BTBD10: variants seen among roughly 807,000 people sequenced by gnomAD.
The protein encoded by BTBD10 is BTB/POZ domain-containing protein 10.
Under a neutral mutation model 53.2 loss-of-function variants are expected in BTBD10, and 21 were observed. The ratio of observed to expected loss-of-function variants is 0.39; its 90% CI spans 0.28 to 0.57. The LOEUF (loss-of-function observed/expected upper bound fraction) is 0.57. BTBD10 is among the 20% of genes least tolerant of loss of function. The pLI, the probability that BTBD10 is intolerant of heterozygous loss-of-function variation, is 0.53. For missense variants in BTBD10, 360 were observed against 594.7 expected (o/e 0.61, Z 4.10); for synonymous variants, 149 against 192.7 (o/e 0.77, Z 1.88).
At chr11:13,452,081 T>C (rs536170335) in intron 1 of BTBD10, among the ~76,000 whole-genome samples, 114 of 151,992 alleles carry the variant, frequency 7.5e-4, no homozygotes, top group African/African-American at 2.0e-3. Context: ...GCAAGAAAGA[T>C]TGAAGAAAAT....
At chr11:13,448,077 T>C (rs994562661) in intron 1 of BTBD10, among the ~76,000 whole-genome samples, 2 of 152,220 alleles carry the variant, frequency 1.3e-5, no homozygotes, top group African/African-American at 4.8e-5. Flanking sequence ...AGTGACAGTA[T>C]ATTTGTCGGA....
At chr11:13,447,381 A>G (rs1950769721) in intron 1 of BTBD10, among the ~76,000 whole-genome samples, 1 of 152,154 alleles carries the variant, frequency 6.6e-6, no homozygotes, top group Admixed American at 6.6e-5. Context: ...TTCAGCCTCC[A>G]GAATATCTGG....
intron 5 of BTBD10, among the ~76,000 whole-genome samples, chr11:13,416,385 C>A (rs12365898): frequency 0.15 from 23,056 of 151,668 alleles, 2,005 homozygotes; most frequent in Admixed American, 0.24. Context: ...ACAAAAAAAA[C>A]CCAATAAAAA....
intron 5 of BTBD10, among the ~76,000 whole-genome samples, chr11:13,415,060 G>A (rs553603844): frequency 2.7e-5 from 4 of 150,226 alleles, no homozygotes; most frequent in Middle Eastern, 7.1e-3. Flanking sequence ...TTAAGAAAAT[G>A]GTATTTTCAG....
chr11:13,439,409 G>C (rs1258152928), intron 2 of BTBD10, among the ~76,000 whole-genome samples: 1 of 152,020 alleles, frequency 6.6e-6, no homozygotes, highest in Non-Finnish European at 1.5e-5. Context: ...TAACCAATTA[G>C]AGCTTTATCA....
intron 2 of BTBD10, among the ~76,000 whole-genome samples, chr11:13,426,010 T>A (rs193220078): frequency 3.3e-5 from 5 of 151,714 alleles, no homozygotes; most frequent in African/African-American, 9.7e-5. Context: ...AACAGAAAAA[T>A]AAACAGCATG....
At position 13,388,634 on chromosome 11, in the gene BTBD10, T is replaced by G; in HGVS notation, c.*197A>C. 9 of 522,156 alleles carry G rather than the reference T, an allele frequency of 1.7e-5. No individual in the cohort carries two copies. The South Asian group carries it at 2.7e-4, about 16-fold the overall frequency. The allele number at this position is 522,156 out of a possible 1,614,324, so 32.3% of individuals were successfully genotyped here. A position where few individuals can be genotyped will look rare whatever the true frequency, so the allele number is the denominator to read the frequency against. On this transcript the variant is annotated 3_prime_UTR_variant, in exon 9 of 9. Coordinates refer to ENST00000278174, the MANE Select transcript of BTBD10 (RefSeq NM_032320.7). ...AAACAAATACATTTACAACTGGAAC[T>G]TCAAAATGCTAGAGTTGTACTCATT...
intron 2 of BTBD10, chr11:13,440,134 T>C (rs1430071487): frequency 1.3e-6 from 2 of 1,506,158 alleles, no homozygotes; most frequent in Non-Finnish European, 1.8e-6. Context: ...CTCCCTCTAC[T>C]GTGTAATAAT....
intron 6 of BTBD10, among the ~76,000 whole-genome samples, chr11:13,412,871 C>T (rs778920844): frequency 6.6e-6 from 1 of 152,218 alleles, no homozygotes; most frequent in South Asian, 2.1e-4. Context: ...TGTGCATAAT[C>T]ACATCTTTTC....
chr11:13,394,042 C>A (rs1332892318), intron 8 of BTBD10, among the ~76,000 whole-genome samples: 1 of 152,078 alleles, frequency 6.6e-6, no homozygotes, highest in Admixed American at 6.5e-5. Flanking sequence ...TTTTGCAATC[C>A]TTAATGAAAT....
At chr11:13,438,299 G>A (rs561283985) in intron 2 of BTBD10, among the ~76,000 whole-genome samples, 2 of 152,046 alleles carry the variant, frequency 1.3e-5, no homozygotes, top group African/African-American at 4.8e-5. Flanking sequence ...TAATGTGTAT[G>A]TCTTTAAAGG....
chr11:13,405,348 A>C (rs1036745274), intron 7 of BTBD10: 1 of 196,584 alleles, frequency 5.1e-6, no homozygotes, highest in Non-Finnish European at 1.0e-5. Context: ...AAAGAAAAAA[A>C]ATCTATCAAG....
chr11:13,417,014 A>G (rs1176278248), intron 5 of BTBD10, 144 bp downstream of exon 5: 3 of 554,478 alleles, frequency 5.4e-6, no homozygotes, highest in African/African-American at 3.8e-5. Flanking sequence ...ACAAAATAAA[A>G]TAAAGATGAA....
chr11:13,419,634 G>T lies in BTBD10; in HGVS notation c.410C>A (p.Ser137Ter). The change falls in exon 4 of 9, where the codon TCA (serine) becomes TAA (stop). Residue 137 changes from serine (S) to a stop codon, truncating the protein, a stop_gained. Coordinates refer to ENST00000278174, the MANE Select transcript of BTBD10 (RefSeq NM_032320.7). LOFTEE classifies it high-confidence loss of function. ...TGTCTTACAGCTACCATCTGAACTT[G>T]ACTGACTACTGTTTCTGCTGCTGTT... ...AGNSSRNSSQ[S>*]SSDGSCKTAG... is the part of the protein sequence containing the mutation. The T allele has an allele frequency of 6.2e-7, 1 of 1,614,000 alleles. No homozygotes were observed. The highest frequency in any genetic ancestry group is 1.1e-5 in the South Asian group (1 of 91,058).
rs1285599656 is a variant in BTBD10 at position 13,388,169 on chromosome 11, G to A, written c.*662C>T. On this transcript the variant is annotated 3_prime_UTR_variant, in exon 9 of 9. Coordinates refer to ENST00000278174, the MANE Select transcript of BTBD10 (RefSeq NM_032320.7). ...ATATCTGTGAACAGATTAAGGGTAA[G>A]GCAGACTGGATAATAAACCACCTCT... is the stretch of plus-strand genomic sequence containing the variant. 1 of 152,600 alleles carries A rather than the reference G, an allele frequency of 6.6e-6. No homozygotes were observed. Among genetic ancestry groups the A allele is most frequent in the African/African-American group, 2.4e-5 (1 of 41,418 alleles). 9.5% of individuals were successfully genotyped at this position (152,600 alleles called of 1,614,324 possible). A position where few individuals can be genotyped will look rare whatever the true frequency, so the allele number is the denominator to read the frequency against.
chr11:13,388,912 C>T lies in BTBD10; in HGVS notation c.1347G>A (p.Val449=), dbSNP rs1393112958. 1 of 1,614,058 alleles carries T rather than the reference C, an allele frequency of 6.2e-7. No homozygotes were observed. The highest frequency in any genetic ancestry group is 1.3e-5 in the African/African-American group (1 of 74,928). The change falls in exon 9 of 9, where the codon GTG becomes GTA. Residue 449 remains valine (V), a synonymous_variant. Transcript: ENST00000278174. ...QLVVMHPTPQ[V]DELDILPIHP... ...GGATAGGGAGAATATCCAGCTCATC[C>T]ACTTGTGGAGTTGGATGCATGACTA...
chr11:13,406,453 A>C (rs1013632848), intron 6 of BTBD10, among the ~76,000 whole-genome samples: 1 of 152,104 alleles, frequency 6.6e-6, no homozygotes, highest in Non-Finnish European at 1.5e-5. Flanking sequence ...ATTTAATGGC[A>C]ATGTCCTATC....
chr11:13,418,885 C>G (rs1290607959), intron 4 of BTBD10, among the ~76,000 whole-genome samples: 2 of 150,774 alleles, frequency 1.3e-5, no homozygotes, highest in African/African-American at 4.9e-5. Context: ...TAACTGCAAA[C>G]TTTAAATTGA....
intron 5 of BTBD10, among the ~76,000 whole-genome samples, chr11:13,414,632 C>T (rs529070303): frequency 6.7e-5 from 10 of 150,060 alleles, no homozygotes; most frequent in South Asian, 4.2e-4. Flanking sequence ...CCAGCCTGGG[C>T]GACAGAGCAA....
Sources: gnomAD v4.1 joint callset for allele counts (sites outside exome capture counted in the v4.1 genomes callset) on GRCh38, gnomAD v4.1.1 for gene constraint, MANE v1.5 for transcripts, NCBI Gene and HGNC (gene_info 2026-07-23, HGNC 2026-07-21) for gene names.